Variants in RBMS1 observed in about 807,000 individuals in gnomAD.
RBMS1 encodes RNA-binding motif, single-stranded-interacting protein 1.
A neutral mutation model predicts 62.3 loss-of-function variants in RBMS1; 17 were observed. The ratio of observed to expected loss-of-function variants is 0.27; its 90% confidence interval spans 0.19 to 0.41. The LOEUF is 0.41. Ranked by LOEUF, RBMS1 falls within the 10% of genes least tolerant of loss-of-function variation. The pLI is 1.00. For synonymous variants in RBMS1, 172 were observed against 170.0 expected, an observed-to-expected ratio of 1.01 and a Z score of -0.09; for missense variants, 334 against 504.5, an observed-to-expected ratio of 0.66 and a Z score of 3.24.
intron 2 of RBMS1, among the ~76,000 whole-genome samples, chr2:160,324,674 A>G (rs1049457788): frequency 6.6e-6 from 1 of 151,878 alleles, no homozygotes; most frequent in Non-Finnish European, 1.5e-5. Context: ...CCCGTAAAAG[A>G]CGCTGTGCCT....
intron 1 of RBMS1, among the ~76,000 whole-genome samples, chr2:160,457,770 A>G (rs1375094689): frequency 6.6e-6 from 1 of 151,826 alleles, no homozygotes; most frequent in African/African-American, 2.4e-5. Flanking sequence ...CTATGCACTA[A>G]CAGGTGCCAG....
At chr2:160,314,123 C>T (rs1690081937) in intron 3 of RBMS1, among the ~76,000 whole-genome samples, 1 of 152,102 alleles carries the variant, frequency 6.6e-6, no homozygotes, top group Non-Finnish European at 1.5e-5. Flanking sequence ...AAACTACTAA[C>T]AAGCAATAAA....
chr2:160,319,940 A>T (rs1321388402), intron 2 of RBMS1, among the ~76,000 whole-genome samples: 2 of 152,210 alleles, frequency 1.3e-5, no homozygotes, highest in Non-Finnish European at 2.9e-5. Context: ...TACATCTAAG[A>T]GGCATAATGC....
intron 1 of RBMS1, among the ~76,000 whole-genome samples, chr2:160,414,863 T>A (rs79719419): frequency 6.8e-6 from 1 of 147,902 alleles, no homozygotes; most frequent in Non-Finnish European, 1.5e-5. Flanking sequence ...AAAAAAAAAA[T>A]CTATAAAAAC....
intron 2 of RBMS1, among the ~76,000 whole-genome samples, chr2:160,361,491 A>T (rs1203399819): frequency 6.6e-6 from 1 of 152,262 alleles, no homozygotes; most frequent in Non-Finnish European, 1.5e-5. Flanking sequence ...TCTCAGAGAC[A>T]TTGCAGGTTT....
intron 1 of RBMS1, among the ~76,000 whole-genome samples, chr2:160,461,383 C>T (rs1459002663): frequency 3.3e-5 from 5 of 152,160 alleles, no homozygotes; most frequent in Non-Finnish European, 5.9e-5. Context: ...AAAATGGTGG[C>T]ATTTCAAGCA....
chr2:160,325,881 T>C lies in RBMS1; in HGVS notation c.252-7654A>G, dbSNP rs1690894046. ...AAATCAAGTAAATTTTATATGACAT[T>C]TACCTCTTTTGCCCTGATGATTTTC... is the stretch of plus-strand genomic sequence containing the variant. On this transcript the variant is annotated intron_variant, in intron 2 of 13. Coordinates refer to ENST00000348849, the MANE Select transcript of RBMS1 (RefSeq NM_016836.4). Among the ~76,000 whole-genome samples, 4 of 152,194 alleles carry C rather than the reference T, an allele frequency of 2.6e-5. No homozygotes were observed. In the South Asian group the frequency reaches 8.3e-4, roughly 32 times the overall value.
intron 1 of RBMS1, 179 bp downstream of exon 1, chr2:160,493,110 A>C (rs1268615429): frequency 8.7e-6 from 5 of 575,534 alleles, no homozygotes; most frequent in Admixed American, 3.4e-5. Context: ...GCTCCCAGGG[A>C]AGCCGCCGCC....
At chr2:160,346,642 G>A (rs1692192139) in intron 2 of RBMS1, among the ~76,000 whole-genome samples, 1 of 152,108 alleles carries the variant, frequency 6.6e-6, no homozygotes, top group Non-Finnish European at 1.5e-5. Flanking sequence ...CAAGCAATAG[G>A]TGCTACATAT....
chr2:160,336,589 TA>T (rs978250773), intron 2 of RBMS1, among the ~76,000 whole-genome samples: 6 of 152,086 alleles, frequency 3.9e-5, no homozygotes, highest in African/African-American at 1.4e-4. Flanking sequence ...GCAACCACAT[TA>T]AAAAAACAGA....
At chr2:160,308,756 T>C (rs1574255167) in intron 4 of RBMS1, among the ~76,000 whole-genome samples, 1 of 152,220 alleles carries the variant, frequency 6.6e-6, no homozygotes, top group African/African-American at 2.4e-5. Context: ...GTATCAAGCT[T>C]TCTAAAGAGG....
intron 1 of RBMS1, among the ~76,000 whole-genome samples, chr2:160,454,606 A>C (rs1684140015): frequency 6.6e-6 from 1 of 152,176 alleles, no homozygotes; most frequent in Non-Finnish European, 1.5e-5. Context: ...CTGAGGCAGG[A>C]AGGATCTGGG....
intron 1 of RBMS1, among the ~76,000 whole-genome samples, chr2:160,427,407 G>C (rs1250347230): frequency 6.6e-6 from 1 of 151,862 alleles, no homozygotes; most frequent in East Asian, 1.9e-4. Flanking sequence ...TGAGTGAATA[G>C]GTAAAGAGAA....
chr2:160,443,243 TA>T (rs1683493165), intron 1 of RBMS1, among the ~76,000 whole-genome samples: 1 of 151,252 alleles, frequency 6.6e-6, no homozygotes, highest in African/African-American at 2.4e-5. Context: ...AACCTTGACT[TA>T]CACAGAAAGA....
At position 160,273,471 on chromosome 2, in the gene RBMS1, G is replaced by A. The variant is rs1332790336; in HGVS notation, c.*1301C>T. 6.6e-6 allele frequency: 1 copy of A among 152,152 alleles called. No homozygotes were observed. The highest frequency in any genetic ancestry group is 1.5e-5 in the Non-Finnish European group (1 of 68,034). 9.4% of individuals were successfully genotyped at this position (152,152 alleles called of 1,614,324 possible). A position where few individuals can be genotyped will look rare whatever the true frequency, so the allele number is the denominator to read the frequency against. ...CTTTGGTGAAGTTACCTTTAAAAGT[G>A]CCAAGTCATTTTTATTTTTCAAATT... On this transcript the variant is annotated 3_prime_UTR_variant, in exon 14 of 14. Coordinates refer to ENST00000348849, the MANE Select transcript of RBMS1 (RefSeq NM_016836.4).
At chr2:160,379,583 T>C (rs577883685) in intron 1 of RBMS1, among the ~76,000 whole-genome samples, 11 of 152,352 alleles carry the variant, frequency 7.2e-5, no homozygotes, top group Non-Finnish European at 1.3e-4. Context: ...AGAACGTCAT[T>C]CTGTGGTAAG....
intron 1 of RBMS1, among the ~76,000 whole-genome samples, chr2:160,413,872 C>T (rs1304434014): frequency 6.6e-6 from 1 of 152,190 alleles, no homozygotes; most frequent in Non-Finnish European, 1.5e-5. Flanking sequence ...AAATCCAATA[C>T]ATAGTAGAGT....
At chr2:160,353,616 AGAGTT>A (rs1406821799) in intron 2 of RBMS1, among the ~76,000 whole-genome samples, 1 of 152,154 alleles carries the variant, frequency 6.6e-6, no homozygotes, top group Non-Finnish European at 1.5e-5. Flanking sequence ...GATAAAGAGC[AGAGTT>A]AAGTGTAACA....
intron 2 of RBMS1, among the ~76,000 whole-genome samples, chr2:160,337,569 T>C (rs1691646680): frequency 6.6e-6 from 1 of 152,152 alleles, no homozygotes; most frequent in African/African-American, 2.4e-5. Flanking sequence ...TTTAATCATA[T>C]ACTTTGAGTG....
Sources: allele counts gnomAD v4.1 joint callset (sites outside exome capture counted in the v4.1 genomes callset), GRCh38; gene constraint gnomAD v4.1.1; transcripts MANE v1.5; gene names NCBI Gene and HGNC (gene_info 2026-07-23, HGNC 2026-07-21).